The following STIM1 variants were observed in gnomAD, a reference collection of about 807,000 sequenced individuals.
The protein encoded by STIM1 is stromal interaction molecule 1.
A neutral mutation model predicts 74.7 loss-of-function variants in STIM1; 25 were observed. The observed-to-expected ratio is 0.33, with a 90% confidence interval of 0.24 to 0.47. STIM1 has a LOEUF of 0.47. STIM1 is among the 20% of genes least tolerant of loss of function. The pLI is 1.00. For missense variants in STIM1, 728 were observed against 920.8 expected (o/e 0.79, Z 2.71); for synonymous variants, 328 against 348.8 (o/e 0.94, Z 0.66).
rs371074374 is a variant in STIM1, at chr11:3,986,158, CA to C, written c.270+18485del. 3.5e-3 allele frequency among the ~76,000 whole-genome samples: 517 copies of C among 148,664 alleles called. 2 individuals are homozygous for C. Among genetic ancestry groups the C allele is most frequent in the African/African-American group, 0.012 (476 of 40,478 alleles). On this transcript the variant is annotated intron_variant, in intron 2 of 12. Transcript: ENST00000526596. ...AGAAAGGTCTCACATATTACTGAGG[CA>C]AAAAAAAATACATATTCAATCCCCA...
At chr11:4,053,855 G>T (rs991245234) in intron 3 of STIM1, among the ~76,000 whole-genome samples, 1 of 152,044 alleles carries the variant, frequency 6.6e-6, no homozygotes, top group Non-Finnish European at 1.5e-5. Context: ...GCAATCTCCC[G>T]CCTTAGCCTC....
chr11:4,044,858 C>T (rs1286822053), intron 3 of STIM1, among the ~76,000 whole-genome samples: 1 of 152,144 alleles, frequency 6.6e-6, no homozygotes, highest in Middle Eastern at 3.2e-3. Flanking sequence ...GGCAGTTTTT[C>T]CCTTCCATGG....
At chr11:3,986,120 G>T (rs1374812819) in intron 2 of STIM1, among the ~76,000 whole-genome samples, 1 of 151,906 alleles carries the variant, frequency 6.6e-6, no homozygotes, top group Non-Finnish European at 1.5e-5. Flanking sequence ...CTAATAAGAT[G>T]AATTTACTAC....
chr11:3,906,702 A>G (rs962563814), intron 1 of STIM1, among the ~76,000 whole-genome samples: 1 of 152,192 alleles, frequency 6.6e-6, no homozygotes, highest in African/African-American at 2.4e-5. Context: ...CCCTTAGGCT[A>G]TAAGCTCCAT....
intron 2 of STIM1, among the ~76,000 whole-genome samples, chr11:3,983,599 T>C (rs1242847240): frequency 6.6e-6 from 1 of 152,140 alleles, no homozygotes; most frequent in Non-Finnish European, 1.5e-5. Flanking sequence ...TGACATTACA[T>C]GTGAGGAGTT....
chr11:3,950,681 A>C (rs551147605), intron 1 of STIM1, among the ~76,000 whole-genome samples: 1 of 152,210 alleles, frequency 6.6e-6, no homozygotes, highest in South Asian at 2.1e-4. Context: ...GCTGGAGTGC[A>C]GTAGTACGAT....
At chr11:4,074,774 A>G in intron 7 of STIM1, 95 bp downstream of exon 7, 1 of 1,337,164 alleles carries the variant, frequency 7.5e-7, no homozygotes. Flanking sequence ...GAGGAATTTG[A>G]AATATGATCC....
At chr11:3,864,355 G>T (rs566583485) in intron 1 of STIM1, among the ~76,000 whole-genome samples, 8 of 152,280 alleles carry the variant, frequency 5.3e-5, no homozygotes, top group Non-Finnish European at 1.0e-4. Context: ...TCTGGATATA[G>T]CTTGACTGGG....
chr11:3,990,087 ACTTTCT>A (rs1370173672), intron 2 of STIM1, among the ~76,000 whole-genome samples: 1 of 152,122 alleles, frequency 6.6e-6, no homozygotes, highest in Non-Finnish European at 1.5e-5. Flanking sequence ...CCACGAATCT[ACTTTCT>A]CTTTCTGTAG....
intron 4 of STIM1, chr11:4,058,698 T>G: frequency 1.4e-6 from 1 of 704,254 alleles, no homozygotes; most frequent in South Asian, 6.4e-5. Context: ...TACAGTAATT[T>G]TATTGGAGGT....
At chr11:4,061,512 A>G (rs2094330588) in intron 5 of STIM1, among the ~76,000 whole-genome samples, 2 of 152,208 alleles carry the variant, frequency 1.3e-5, no homozygotes, top group South Asian at 4.1e-4. Context: ...TGGCGAGGGT[A>G]TAGAGAAATT....
chr11:3,950,323 G>A (rs2093130612), intron 1 of STIM1, among the ~76,000 whole-genome samples: 1 of 151,890 alleles, frequency 6.6e-6, no homozygotes, highest in Non-Finnish European at 1.5e-5. Flanking sequence ...TAGCAGAGAC[G>A]GGGTTTCACC....
chr11:3,941,028 A>T (rs1300347621), intron 1 of STIM1, among the ~76,000 whole-genome samples: 2 of 152,152 alleles, frequency 1.3e-5, no homozygotes, highest in Non-Finnish European at 2.9e-5. Context: ...TTGAGCTGAG[A>T]AATGGAGATG....
At chr11:3,886,687 CAA>C (rs199847545) in intron 1 of STIM1, among the ~76,000 whole-genome samples, 19 of 87,908 alleles carry the variant, frequency 2.2e-4, no homozygotes, top group African/African-American at 5.0e-4. Context: ...GACTCTGTGT[CAA>C]AAAAAAAAAA....
intron 1 of STIM1, among the ~76,000 whole-genome samples, chr11:3,890,095 A>G (rs2091849314): frequency 6.6e-6 from 1 of 152,020 alleles, no homozygotes; most frequent in Non-Finnish European, 1.5e-5. Context: ...TTTCATCAAG[A>G]TTGCTTACTC....
intron 1 of STIM1, among the ~76,000 whole-genome samples, chr11:3,955,694 C>T (rs903610671): frequency 2.0e-5 from 3 of 151,848 alleles, no homozygotes; most frequent in African/African-American, 7.3e-5. Flanking sequence ...CCCAAAAAAC[C>T]CAGCTTATGC....
chr11:4,013,251 G>T (rs1302762366), intron 2 of STIM1, among the ~76,000 whole-genome samples: 1 of 152,296 alleles, frequency 6.6e-6, no homozygotes, highest in East Asian at 1.9e-4. Flanking sequence ...ATGAGTTAAG[G>T]AGGATTCCCT....
intron 2 of STIM1, among the ~76,000 whole-genome samples, chr11:4,022,710 G>C (rs888653946): frequency 2.0e-5 from 3 of 152,126 alleles, no homozygotes; most frequent in African/African-American, 7.2e-5. Flanking sequence ...TCACATACCT[G>C]ACTCCTGAAC....
In STIM1 at chr11:3,881,651, G is replaced by A. The variant is rs546871239; in HGVS notation, c.139+25242G>A. Among the ~76,000 whole-genome samples the A allele has an allele frequency of 4.6e-5, 7 of 151,318 alleles. No homozygotes were observed. The South Asian group carries it at 6.3e-4, about 14-fold the overall frequency. ...CTCCCAAAGTGCTGGGATTACAGGC[G>A]TGAGCCACCGTGCCCGGCCGATTAT... On this transcript the variant is annotated intron_variant, in intron 1 of 12. Coordinates refer to ENST00000526596, the MANE Select transcript of STIM1 (RefSeq NM_001382567.1).
Sources: allele counts gnomAD v4.1 joint callset (sites outside exome capture counted in the v4.1 genomes callset), GRCh38; gene constraint gnomAD v4.1.1; transcripts MANE v1.5; gene names NCBI Gene and HGNC (gene_info 2026-07-23, HGNC 2026-07-21).